Variants in SYNDIG1L observed in about 807,000 individuals in gnomAD.
The protein encoded by SYNDIG1L is synapse differentiation inducing 1 like, also known as synapse differentiation-inducing gene protein 1-like.
SYNDIG1L carries 13 observed loss-of-function variants against 20.1 expected under a neutral mutation model. The observed-to-expected ratio is 0.65, with a 90% CI of 0.42 to 1.03. The LOEUF (loss-of-function observed/expected upper bound fraction) is 1.03. Ranked by LOEUF, SYNDIG1L falls within the 50% of genes least tolerant of loss-of-function variation. The pLI is 0.00. For synonymous variants in SYNDIG1L, 128 were observed against 129.3 expected, an observed-to-expected ratio of 0.99 and a Z score of 0.07; for missense variants, 294 against 305.1, an observed-to-expected ratio of 0.96 and a Z score of 0.27.
At position 74,407,136 on chromosome 14, in the gene SYNDIG1L, C is replaced by A. The variant is rs924702595; in HGVS notation, c.*399G>T. On this transcript the variant is annotated 3_prime_UTR_variant, in exon 4 of 4. Coordinates refer to ENST00000331628, the MANE Select transcript of SYNDIG1L (RefSeq NM_001105579.2). ...GGGACGGGTCCCCTTGTGCTCTGGG[C>A]ACCCCCTTTTCTCCCTGTAACCTCC... 3 of 234,208 alleles carry A rather than the reference C, an allele frequency of 1.3e-5. No individual in the cohort carries two copies. The highest frequency in any genetic ancestry group is 2.3e-5 in the African/African-American group (1 of 42,704). 14.5% of individuals were successfully genotyped at this position (234,208 alleles called of 1,614,324 possible). A position where few individuals can be genotyped will look rare whatever the true frequency, so the allele number is the denominator to read the frequency against.
At chr14:74,447,492 C>T in the SYNDIG1L span, among the ~76,000 whole-genome samples, 1 of 151,802 alleles carries the variant, frequency 6.6e-6, no homozygotes, top group East Asian at 1.9e-4. Flanking sequence ...GAGGCTGAGG[C>T]TGGAGAATTG....
At chr14:74,461,536 T>C in the SYNDIG1L span, among the ~76,000 whole-genome samples, 1 of 152,100 alleles carries the variant, frequency 6.6e-6, no homozygotes, top group Non-Finnish European at 1.5e-5. Flanking sequence ...CATTAGGCCC[T>C]CTCTCTTTCC....
the SYNDIG1L span, chr14:74,476,725 C>T: frequency 6.3e-6 from 4 of 635,622 alleles, no homozygotes; most frequent in Non-Finnish European, 8.1e-6. Context: ...GGTCTCCACC[C>T]TCCCCTCCAC....
In SYNDIG1L at chr14:74,419,465, C is replaced by A. The variant is rs115753888; in HGVS notation, c.-58+6447G>T. Among the ~76,000 whole-genome samples, 726 of 152,258 alleles carry A rather than the reference C, an allele frequency of 4.8e-3. 6 individuals are homozygous for A. Among genetic ancestry groups the A allele is most frequent in the African/African-American group, 0.015 (642 of 41,542 alleles). On this transcript the variant is annotated intron_variant, in intron 1 of 3. Transcript: ENST00000331628. ...ACTGAGACTCTCTGGGAAGAAAGTA[C>A]TTTCCAGGATTTGGGGTAGATGGAA...
the SYNDIG1L span, among the ~76,000 whole-genome samples, chr14:74,444,129 G>A: frequency 1.3e-5 from 2 of 151,996 alleles, no homozygotes; most frequent in East Asian, 1.9e-4. Context: ...GTGTAATGGC[G>A]CGATCTCAGT....
chr14:74,417,317 G>A (rs1254558583), intron 1 of SYNDIG1L, among the ~76,000 whole-genome samples: 1 of 152,158 alleles, frequency 6.6e-6, no homozygotes, highest in Non-Finnish European at 1.5e-5. Context: ...TTTGCTGTAG[G>A]GCTGACACCT....
chr14:74,409,768 G>T lies in SYNDIG1L; in HGVS notation c.-24C>A. 7.1e-7 allele frequency: 1 copy of T among 1,414,414 alleles called. No individual in the cohort carries two copies. Among genetic ancestry groups the T allele is most frequent in the Non-Finnish European group, 9.3e-7 (1 of 1,080,200 alleles). The allele number at this position is 1,414,414 out of a possible 1,614,324, so 87.6% of individuals were successfully genotyped here. On this transcript the variant is annotated 5_prime_UTR_variant, in exon 2 of 4. Coordinates refer to ENST00000331628, the MANE Select transcript of SYNDIG1L (RefSeq NM_001105579.2). ...ATGGTTCTGGGGCAGCTGCTGGGGA[G>T]GGGGGCCTGGGCCAGCTGAGCAGTC...
chr14:74,410,872 C>T (rs1383492015), intron 1 of SYNDIG1L, among the ~76,000 whole-genome samples: 2 of 152,138 alleles, frequency 1.3e-5, no homozygotes, highest in Non-Finnish European at 2.9e-5. Flanking sequence ...CCTGCAGGAT[C>T]TAAGGTGGGG....
chr14:74,473,598 A>G, the SYNDIG1L span, among the ~76,000 whole-genome samples: 5 of 152,138 alleles, frequency 3.3e-5, no homozygotes, highest in Admixed American at 2.0e-4. Flanking sequence ...ACATGTGACT[A>G]TCATGGCTTT....
chr14:74,447,478 T>C, the SYNDIG1L span, among the ~76,000 whole-genome samples: 1 of 152,006 alleles, frequency 6.6e-6, no homozygotes, highest in Admixed American at 6.6e-5. Flanking sequence ...TCCCAGCTAC[T>C]TGAGAGGCTG....
At chr14:74,434,099 A>T in the SYNDIG1L span, among the ~76,000 whole-genome samples, 1 of 152,236 alleles carries the variant, frequency 6.6e-6, no homozygotes, top group Non-Finnish European at 1.5e-5. Context: ...TAAAAATCTT[A>T]GGAGGAATTA....
At position 74,407,973 on chromosome 14, in the gene SYNDIG1L, G is replaced by T; in HGVS notation, c.434C>A (p.Thr145Lys). The T allele has an allele frequency of 6.2e-7, 1 of 1,612,062 alleles. No homozygotes were observed. Among genetic ancestry groups the T allele is most frequent in the Non-Finnish European group, 8.5e-7 (1 of 1,178,974 alleles). Residue 145 changes from threonine (T) to lysine (K), a missense_variant, in exon 3 of 4, where the codon ACG becomes AAG. Thr to Lys is a moderately conservative substitution (Grantham distance 78, BLOSUM62 -1). Coordinates refer to ENST00000331628, the MANE Select transcript of SYNDIG1L (RefSeq NM_001105579.2). ...QEEEESDATS[T>K]ESESEDNFLT... ...GAAGTTGTCTTCACTTTCACTCTCCGTTGAAGTGGCATCGCTCTGCAAAAC... is the reference window on the plus strand; with the variant it reads ...GAAGTTGTCTTCACTTTCACTCTCCTTTGAAGTGGCATCGCTCTGCAAAAC...
the SYNDIG1L span, among the ~76,000 whole-genome samples, chr14:74,471,538 C>T: frequency 6.6e-6 from 1 of 152,026 alleles, no homozygotes; most frequent in Admixed American, 6.6e-5. Context: ...GTTGAGGCTG[C>T]AGTGAGCTGT....
chr14:74,428,910 C>T (rs571161771), upstream of SYNDIG1L, among the ~76,000 whole-genome samples: 3 of 152,246 alleles, frequency 2.0e-5, no homozygotes, highest in South Asian at 6.2e-4. Context: ...AAGGGTAACA[C>T]TGGGGGCTCC....
intron 1 of SYNDIG1L, among the ~76,000 whole-genome samples, chr14:74,413,595 T>C (rs1341853124): frequency 6.6e-6 from 1 of 150,436 alleles, no homozygotes; most frequent in Non-Finnish European, 1.5e-5. Context: ...TTTTTCTGTT[T>C]TCCACATTTT....
At chr14:74,412,897 G>T (rs1388164182) in intron 1 of SYNDIG1L, among the ~76,000 whole-genome samples, 2 of 152,180 alleles carry the variant, frequency 1.3e-5, no homozygotes, top group Admixed American at 6.5e-5. Flanking sequence ...CGAGTCAGGT[G>T]CACTGTGCTG....
the SYNDIG1L span, among the ~76,000 whole-genome samples, chr14:74,454,645 A>C: frequency 1.3e-5 from 2 of 152,236 alleles, no homozygotes; most frequent in Non-Finnish European, 2.9e-5. Context: ...CAACATAAGT[A>C]AACAAGCCTG....
chr14:74,448,702 T>C, the SYNDIG1L span, among the ~76,000 whole-genome samples: 1 of 152,200 alleles, frequency 6.6e-6, no homozygotes, highest in African/African-American at 2.4e-5. Context: ...ATAATGGAAT[T>C]ATTATTATGA....
At chr14:74,437,172 G>C in the SYNDIG1L span, among the ~76,000 whole-genome samples, 1 of 152,168 alleles carries the variant, frequency 6.6e-6, no homozygotes, top group South Asian at 2.1e-4. Flanking sequence ...AAGCTCTAAG[G>C]CCCTTGCAGC....
Sources: allele counts gnomAD v4.1 joint callset (sites outside exome capture counted in the v4.1 genomes callset), GRCh38; gene constraint gnomAD v4.1.1; transcripts MANE v1.5; gene names NCBI Gene and HGNC (gene_info 2026-07-23, HGNC 2026-07-21).